NTM: variants seen among roughly 807,000 people sequenced by gnomAD.
NTM encodes the protein IgLON family member 2.
In NTM, 13 loss-of-function variants were observed where a neutral mutation model predicts 42.1. The ratio of observed to expected loss-of-function variants is 0.31; its 90% CI spans 0.20 to 0.49. The LOEUF is 0.49. Among genes scored for constraint, NTM ranks in the 20% least tolerant of loss-of-function variants. The probability of loss-of-function intolerance (pLI) is 0.99; values close to 1 mark genes in which losing one functional copy is unlikely to be tolerated. For synonymous variants in NTM, 187 were observed against 179.2 expected, an observed-to-expected ratio of 1.04 and a Z score of -0.35; for missense variants, 373 against 452.8, an observed-to-expected ratio of 0.82 and a Z score of 1.60.
intron 1 of NTM, among the ~76,000 whole-genome samples, chr11:131,608,948 C>T (rs1402869059): frequency 1.3e-5 from 2 of 152,202 alleles, no homozygotes; most frequent in Non-Finnish European, 2.9e-5. Context: ...ATGCTACTGA[C>T]AGTAGATGCA....
intron 7 of NTM, chr11:132,314,909 C>T: frequency 5.2e-6 from 7 of 1,345,354 alleles, no homozygotes; most frequent in Non-Finnish European, 6.7e-6. Flanking sequence ...AGAGAAAGAA[C>T]AAGAGATACA....
chr11:131,619,788 G>A (rs552796626), intron 1 of NTM, among the ~76,000 whole-genome samples: 10 of 151,948 alleles, frequency 6.6e-5, no homozygotes, highest in Non-Finnish European at 1.5e-4. Context: ...ATAAGGATAT[G>A]GGGGTAACAT....
intron 3 of NTM, among the ~76,000 whole-genome samples, chr11:132,187,214 CGTGT>C (rs55849086): frequency 0.071 from 10,481 of 148,196 alleles, 875 homozygotes; most frequent in African/African-American, 0.2. Context: ...GCTCAGATGG[CGTGT>C]GTGTGTGTGT....
At chr11:131,878,597 ATATATATAT>A (rs2048945712) in intron 1 of NTM, among the ~76,000 whole-genome samples, 5 of 9,712 alleles carry the variant, frequency 5.1e-4, no homozygotes, top group African/African-American at 1.6e-3. Flanking sequence ...AAAAAAAAAT[ATATATATAT>A]ATATATATAT....
chr11:132,059,220 G>A (rs1218489146), intron 2 of NTM, among the ~76,000 whole-genome samples: 2 of 152,240 alleles, frequency 1.3e-5, no homozygotes, highest in Non-Finnish European at 2.9e-5. Flanking sequence ...TTGTAGAGAG[G>A]AGCTTGTCGG....
At chr11:131,702,504 G>C (rs1333804219) in intron 1 of NTM, among the ~76,000 whole-genome samples, 3 of 152,148 alleles carry the variant, frequency 2.0e-5, no homozygotes, top group African/African-American at 7.2e-5. Context: ...ATTGGGTTTA[G>C]AACTCACTCT....
In NTM at chr11:132,003,151, C is replaced by G. The variant is rs574254816; in HGVS notation, c.167+91503C>G. On this transcript the variant is annotated intron_variant, in intron 2 of 8. Coordinates refer to ENST00000683400, the MANE Select transcript of NTM (RefSeq NM_001352005.2). This position sits in a 1 kb window ranked among gnomAD's most constrained non-coding sequence, Gnocchi z 6.0. Reference sequence around the variant, plus strand: ...TTCCTCCTTCACCCTAATGCTAGCCCGGTTCTGAGCCAGAGTTATTTCGCT... The same window carrying G: ...TTCCTCCTTCACCCTAATGCTAGCCGGGTTCTGAGCCAGAGTTATTTCGCT... 1.3e-5 allele frequency among the ~76,000 whole-genome samples: 2 copies of G among 152,080 alleles called. No homozygotes were observed. Among genetic ancestry groups the G allele is most frequent in the African/African-American group, 4.8e-5 (2 of 41,406 alleles).
chr11:131,615,501 G>C (rs1376493355), intron 1 of NTM, among the ~76,000 whole-genome samples: 2 of 152,070 alleles, frequency 1.3e-5, no homozygotes, highest in Non-Finnish European at 2.9e-5. Flanking sequence ...GAGTAGCTGG[G>C]ATTACAGGCA....
At chr11:131,604,072 C>G (rs1404016283) in intron 1 of NTM, among the ~76,000 whole-genome samples, 1 of 152,098 alleles carries the variant, frequency 6.6e-6, no homozygotes, top group Non-Finnish European at 1.5e-5. Flanking sequence ...CATATGATAA[C>G]TGTGTTTAAA....
intron 1 of NTM, among the ~76,000 whole-genome samples, chr11:131,815,838 C>T (rs1310403769): frequency 1.3e-5 from 2 of 152,082 alleles, no homozygotes; most frequent in Non-Finnish European, 2.9e-5. Context: ...TGCTTCCTTC[C>T]GGGTGGCCGC....
chr11:131,808,216 G>A (rs908034654), intron 1 of NTM, among the ~76,000 whole-genome samples: 4 of 152,216 alleles, frequency 2.6e-5, no homozygotes, highest in African/African-American at 7.2e-5. Context: ...TGGCTTAAGA[G>A]GAGGAAGGCA....
At chr11:132,300,269 A>T (rs1163795454) in intron 4 of NTM, among the ~76,000 whole-genome samples, 1 of 152,224 alleles carries the variant, frequency 6.6e-6, no homozygotes, top group Non-Finnish European at 1.5e-5. Context: ...TGCAGTAAAA[A>T]TAAAGATCAT....
chr11:131,584,804 AGGGCGAGCTGGG>A, intron 1 of NTM, among the ~76,000 whole-genome samples: 1 of 152,198 alleles, frequency 6.6e-6, no homozygotes, highest in Non-Finnish European at 1.5e-5. Context: ...CGAGAGGCCG[AGGGCGAGCTGGG>A]ATCCATGTGA....
chr11:132,222,872 G>T (rs1360326533), intron 4 of NTM, among the ~76,000 whole-genome samples: 1 of 152,130 alleles, frequency 6.6e-6, no homozygotes, highest in Non-Finnish European at 1.5e-5. Context: ...GACTCCCCCT[G>T]TTTAACTGAT....
At chr11:131,621,954 A>G (rs2062613589) in intron 1 of NTM, among the ~76,000 whole-genome samples, 1 of 152,162 alleles carries the variant, frequency 6.6e-6, no homozygotes, top group African/African-American at 2.4e-5. Flanking sequence ...TCAGGGGCAA[A>G]ATGTCCTTTC....
chr11:132,058,420 A>T (rs1207638246), intron 2 of NTM, among the ~76,000 whole-genome samples: 1 of 152,166 alleles, frequency 6.6e-6, no homozygotes, highest in Non-Finnish European at 1.5e-5. Context: ...TCTCCTTCCT[A>T]GCCTTAAGCC....
chr11:131,823,107 G>A (rs565472893), intron 1 of NTM, among the ~76,000 whole-genome samples: 11 of 152,290 alleles, frequency 7.2e-5, no homozygotes, highest in South Asian at 6.2e-4. Context: ...GCACGTCTAC[G>A]TTAGTGTTAG....
chr11:131,541,689 G>T (rs1171312976), intron 1 of NTM, among the ~76,000 whole-genome samples: 1 of 152,218 alleles, frequency 6.6e-6, no homozygotes, highest in Non-Finnish European at 1.5e-5. Context: ...CACCATCAGA[G>T]TCTATCATCT....
chr11:132,310,470 T>C (rs1314588322), intron 6 of NTM, among the ~76,000 whole-genome samples: 1 of 152,172 alleles, frequency 6.6e-6, no homozygotes, highest in Admixed American at 6.5e-5. Flanking sequence ...GGTAACTTTT[T>C]TTAGGAAGGC....
Sources: gnomAD v4.1 joint callset for allele counts (sites outside exome capture counted in the v4.1 genomes callset) on GRCh38, gnomAD v4.1.1 for gene constraint, Gnocchi (gnomAD v3.1) non-coding constraint, MANE v1.5 for transcripts, NCBI Gene and HGNC (gene_info 2026-07-23, HGNC 2026-07-21) for gene names.